Variants in LRRTM4 observed in about 807,000 individuals in gnomAD.
LRRTM4 encodes leucine-rich repeat transmembrane neuronal protein 4.
LRRTM4 carries 25 observed loss-of-function variants against 47.6 expected under a neutral mutation model. The ratio of observed to expected loss-of-function variants is 0.53; its 90% CI spans 0.38 to 0.73. LRRTM4 has a LOEUF of 0.73. Ranked by LOEUF, LRRTM4 falls within the 30% of genes least tolerant of loss-of-function variation. The pLI is 0.00. For synonymous variants in LRRTM4, 311 were observed against 269.5 expected (o/e 1.15, Z -1.51); for missense variants, 638 against 713.4 (o/e 0.89, Z 1.20).
chr2:77,190,899 T>A (rs1348820772), intron 3 of LRRTM4, among the ~76,000 whole-genome samples: 2 of 152,178 alleles, frequency 1.3e-5, no homozygotes, highest in African/African-American at 2.4e-5. Context: ...GCAGATACAT[T>A]CCTAATGTAG....
In LRRTM4 at chr2:76,895,863, T is replaced by C. The variant is rs114097130; in HGVS notation, c.1552-146947A>G. ...TTACTTACCTTGACAACTGAATTAATCTTCTTCTTTTCTTTTTCTCTTTTC... is the reference window on the plus strand; with the variant it reads ...TTACTTACCTTGACAACTGAATTAACCTTCTTCTTTTCTTTTTCTCTTTTC... On this transcript the variant is annotated intron_variant, in intron 3 of 3. Coordinates refer to ENST00000409884, the MANE Select transcript of LRRTM4 (RefSeq NM_001134745.3). Among the ~76,000 whole-genome samples the C allele has an allele frequency of 2.5e-3, 373 of 152,096 alleles. 8 individuals are homozygous for C. The highest frequency in any genetic ancestry group is 8.7e-3 in the African/African-American group (359 of 41,484).
At position 76,831,176 on chromosome 2, in the gene LRRTM4, T is replaced by C. The variant is rs564551584; in HGVS notation, c.1552-82260A>G. On this transcript the variant is annotated intron_variant, in intron 3 of 3. Transcript: ENST00000409884. ...CTAACAATATAATGAATTCTGAGTG[T>C]ATCTATATATGTGAATGTATGTGTG... Among the ~76,000 whole-genome samples, 69 of 152,206 alleles carry C rather than the reference T, an allele frequency of 4.5e-4. No individual in the cohort carries two copies. In the South Asian group the frequency reaches 0.014, roughly 31 times the overall value.
At chr2:77,474,332 A>C (rs534922661) in intron 3 of LRRTM4, among the ~76,000 whole-genome samples, 3 of 152,134 alleles carry the variant, frequency 2.0e-5, no homozygotes, top group African/African-American at 7.2e-5. Flanking sequence ...CTATTTATAT[A>C]GGTGATTTTT....
At chr2:77,182,280 A>G (rs558323662) in intron 3 of LRRTM4, among the ~76,000 whole-genome samples, 2 of 152,290 alleles carry the variant, frequency 1.3e-5, no homozygotes, top group African/African-American at 2.4e-5. Context: ...AGGGAAATGG[A>G]TGAAGCTGGA....
Position 77,132,886 on chromosome 2 carries a change from G to GT in LRRTM4, c.1552-383971dup, listed in dbSNP as rs1303171456. Among the ~76,000 whole-genome samples the GT allele has an allele frequency of 4.6e-5, 7 of 152,170 alleles. No individual in the cohort carries two copies. The East Asian group carries it at 1.3e-3, about 29-fold the overall frequency. On this transcript the variant is annotated intron_variant, in intron 3 of 3. Coordinates refer to ENST00000409884, the MANE Select transcript of LRRTM4 (RefSeq NM_001134745.3). ...AGAAAGGGAAAGGGAAGAAGAAGGA[G>GT]TAGGTGTAGAACATTGGGAGGGAAG... is the stretch of plus-strand genomic sequence containing the variant.
At chr2:77,498,051 T>G (rs1678428403) in intron 3 of LRRTM4, among the ~76,000 whole-genome samples, 1 of 151,864 alleles carries the variant, frequency 6.6e-6, no homozygotes, top group Non-Finnish European at 1.5e-5. Context: ...AGGGCTAGTG[T>G]TTAAGCCCAG....
chr2:77,466,390 T>C (rs1676982885), intron 3 of LRRTM4, among the ~76,000 whole-genome samples: 1 of 152,128 alleles, frequency 6.6e-6, no homozygotes, highest in Non-Finnish European at 1.5e-5. Context: ...TTTTTCAAGT[T>C]TTACAGTTTC....
chr2:76,888,839 A>T (rs1673162032), intron 3 of LRRTM4, among the ~76,000 whole-genome samples: 2 of 151,896 alleles, frequency 1.3e-5, no homozygotes, highest in Non-Finnish European at 3.0e-5. Flanking sequence ...TGAACTGTTA[A>T]TTAAGCCAGT....
chr2:76,789,436 A>G (rs1005393470), intron 3 of LRRTM4, among the ~76,000 whole-genome samples: 2 of 152,220 alleles, frequency 1.3e-5, no homozygotes, highest in Non-Finnish European at 2.9e-5. Context: ...AGTAACTCGA[A>G]CACCATGCGT....
intron 3 of LRRTM4, among the ~76,000 whole-genome samples, chr2:77,027,034 C>A (rs979939953): frequency 8.5e-5 from 13 of 152,126 alleles, no homozygotes; most frequent in African/African-American, 2.9e-4. Context: ...CTTTTGACAC[C>A]TGCTATATTA....
chr2:77,150,126 C>T (rs564464078), intron 3 of LRRTM4, among the ~76,000 whole-genome samples: 3 of 151,274 alleles, frequency 2.0e-5, no homozygotes, highest in Non-Finnish European at 2.9e-5. Flanking sequence ...AAGCAGAGGT[C>T]GGTTGTTAGG....
rs529901923 is a variant in LRRTM4, at chr2:77,449,622, C to G, written c.1551+68696G>C. 2.6e-5 allele frequency among the ~76,000 whole-genome samples: 4 copies of G among 152,274 alleles called. No homozygotes were observed. In the East Asian group the frequency reaches 7.7e-4, roughly 29 times the overall value. On this transcript the variant is annotated intron_variant, in intron 3 of 3. Transcript: ENST00000409884. ...CTCTGCCAGTTTGAAGCACCCTCCACCAGCCTTAAATCAGAAGCTGGTGAT... is the reference window on the plus strand; with the variant it reads ...CTCTGCCAGTTTGAAGCACCCTCCAGCAGCCTTAAATCAGAAGCTGGTGAT...
chr2:77,017,566 T>C (rs1479569061), intron 3 of LRRTM4, among the ~76,000 whole-genome samples: 1 of 152,162 alleles, frequency 6.6e-6, no homozygotes, highest in African/African-American at 2.4e-5. Context: ...TCTCACGTGT[T>C]TGTGTACCAT....
At chr2:76,988,965 C>T (rs1304013506) in intron 3 of LRRTM4, among the ~76,000 whole-genome samples, 1 of 151,860 alleles carries the variant, frequency 6.6e-6, no homozygotes, top group Non-Finnish European at 1.5e-5. Context: ...TCACTTAAAA[C>T]AGTTCAGGTA....
chr2:77,214,559 T>C (rs1674384340), intron 3 of LRRTM4, among the ~76,000 whole-genome samples: 1 of 152,166 alleles, frequency 6.6e-6, no homozygotes, highest in Non-Finnish European at 1.5e-5. Context: ...ACATTTTCAA[T>C]ATAAAAAAGA....
chr2:76,855,379 T>G (rs1272922198), intron 3 of LRRTM4, among the ~76,000 whole-genome samples: 1 of 152,220 alleles, frequency 6.6e-6, no homozygotes, highest in African/African-American at 2.4e-5. Context: ...TATTACAAAT[T>G]TTATAAATTT....
At chr2:77,010,043 T>TAC (rs1677809485) in intron 3 of LRRTM4, among the ~76,000 whole-genome samples, 1 of 152,020 alleles carries the variant, frequency 6.6e-6, no homozygotes, top group African/African-American at 2.4e-5. Flanking sequence ...ATTTATAGTA[T>TAC]ACAGCATGAT....
At chr2:77,277,844 C>T (rs1027207742) in intron 3 of LRRTM4, among the ~76,000 whole-genome samples, 3 of 152,090 alleles carry the variant, frequency 2.0e-5, no homozygotes, top group Middle Eastern at 3.4e-3. Flanking sequence ...TAAAGTAGCT[C>T]TGTATGGCAC....
intron 3 of LRRTM4, among the ~76,000 whole-genome samples, chr2:77,271,905 T>C (rs2104072179): frequency 6.6e-6 from 1 of 152,302 alleles, no homozygotes; most frequent in African/African-American, 2.4e-5. Flanking sequence ...GCACAGGTAG[T>C]TCAAACATAA....
Sources: allele counts gnomAD v4.1 joint callset (sites outside exome capture counted in the v4.1 genomes callset), GRCh38; gene constraint gnomAD v4.1.1; transcripts MANE v1.5; gene names NCBI Gene and HGNC (gene_info 2026-07-23, HGNC 2026-07-21).